IL1RAPL2: variants seen among roughly 807,000 people sequenced by gnomAD.
IL1RAPL2 encodes the protein X-linked interleukin-1 receptor accessory protein-like 2.
IL1RAPL2 carries 3 observed loss-of-function variants against 44.1 expected under a neutral mutation model. That is an observed-to-expected ratio of 0.07 (90% CI 0.03 to 0.18). The LOEUF is 0.18. IL1RAPL2 is among the 10% of genes least tolerant of loss of function. The probability of loss-of-function intolerance (pLI) is 1.00; values close to 1 mark genes in which losing one functional copy is unlikely to be tolerated. For missense variants in IL1RAPL2, 391 were observed against 496.4 expected, an observed-to-expected ratio of 0.79 and a Z score of 2.02; for synonymous variants, 181 against 178.8, an observed-to-expected ratio of 1.01 and a Z score of -0.10.
intron 2 of IL1RAPL2, among the ~76,000 whole-genome samples, chrX:104,846,137 G>A (rs1169834809): frequency 9.0e-6 from 1 of 111,391 alleles, no homozygotes; most frequent in East Asian, 2.8e-4. Context: ...CTGGTACAAA[G>A]TTTAAAAAGG....
At chrX:104,619,358 A>G (rs975812844) in intron 1 of IL1RAPL2, among the ~76,000 whole-genome samples, 1 of 112,050 alleles carries the variant, frequency 8.9e-6, no homozygotes, top group African/African-American at 3.3e-5. Context: ...ACTTACCTCC[A>G]GGTCTTGGGA....
chrX:104,792,682 G>A (rs919077785), intron 2 of IL1RAPL2, among the ~76,000 whole-genome samples: 2 of 111,588 alleles, frequency 1.8e-5, no homozygotes, highest in African/African-American at 6.5e-5. Flanking sequence ...GTGGCTGACA[G>A]TTGTGGAGGT....
chrX:105,541,201 C>T (rs1214211416), intron 6 of IL1RAPL2, among the ~76,000 whole-genome samples: 2 of 109,769 alleles, frequency 1.8e-5, no homozygotes, highest in East Asian at 2.8e-4. Context: ...TGGATTTCTA[C>T]TGAACTTGGA....
intron 2 of IL1RAPL2, among the ~76,000 whole-genome samples, chrX:104,869,318 C>T (rs983700620): frequency 2.7e-5 from 3 of 111,275 alleles, no homozygotes; most frequent in South Asian, 3.7e-4. Flanking sequence ...CTAGTGATAA[C>T]ATATCCATCA....
intron 2 of IL1RAPL2, among the ~76,000 whole-genome samples, chrX:105,104,987 CT>C (rs748765523): frequency 1.8e-5 from 2 of 111,905 alleles, no homozygotes; most frequent in Non-Finnish European, 3.8e-5. Context: ...TGAAAGCCCC[CT>C]GATAACAAGT....
chrX:105,218,913 T>C, intron 3 of IL1RAPL2: 1 of 1,119,414 alleles, frequency 8.9e-7, no homozygotes, highest in East Asian at 3.0e-5. Context: ...CTCTGAAAAT[T>C]AATTCGCCAT....
At chrX:104,634,545 A>G (rs772265509) in intron 1 of IL1RAPL2, among the ~76,000 whole-genome samples, 100 of 111,913 alleles carry the variant, frequency 8.9e-4, no homozygotes, top group Non-Finnish European at 1.7e-3. Context: ...GGGTGCATAT[A>G]TATTTAGGAT....
At chrX:105,727,640 G>C (rs1416242660) in intron 7 of IL1RAPL2, among the ~76,000 whole-genome samples, 1 of 111,218 alleles carries the variant, frequency 9.0e-6, no homozygotes, top group Admixed American at 9.6e-5. Context: ...AAGTAATTTG[G>C]AATCTGCCTG....
At chrX:105,200,966 A>G (rs1406765869) in intron 3 of IL1RAPL2, among the ~76,000 whole-genome samples, 3 of 111,473 alleles carry the variant, frequency 2.7e-5, no homozygotes, top group African/African-American at 9.8e-5. Context: ...AACATCTGTA[A>G]AAACCTAACA....
intron 3 of IL1RAPL2, chrX:105,219,329 A>C: frequency 8.3e-7 from 1 of 1,211,322 alleles, no homozygotes; most frequent in Non-Finnish European, 1.1e-6. Context: ...AGAGGTTCTG[A>C]TGAGGCTCTG....
chrX:104,959,317 T>C (rs1267566953), intron 2 of IL1RAPL2, among the ~76,000 whole-genome samples: 2 of 110,919 alleles, frequency 1.8e-5, no homozygotes, highest in African/African-American at 6.6e-5. Flanking sequence ...ATTTCTAAGC[T>C]GGCTGTTACA....
chrX:104,635,073 A>G (rs1432786491), intron 1 of IL1RAPL2, among the ~76,000 whole-genome samples: 2 of 110,969 alleles, frequency 1.8e-5, no homozygotes, highest in Non-Finnish European at 3.8e-5. Flanking sequence ...GCTTGTCTGT[A>G]AAGGATTTTA....
chrX:105,272,220 CATGTATACATATGTAACTAACCTGCACA>C (rs1392347917), intron 5 of IL1RAPL2, among the ~76,000 whole-genome samples: 2 of 107,500 alleles, frequency 1.9e-5, no homozygotes, highest in African/African-American at 6.8e-5. Flanking sequence ...CAGCATGGCA[CATGTATACATATGTAACTAACCTGCACA>C]ATGTGCACAT....
intron 6 of IL1RAPL2, among the ~76,000 whole-genome samples, chrX:105,639,928 T>C (rs5916741): frequency 0.37 from 40,909 of 110,332 alleles, 5,645 homozygotes; most frequent in Middle Eastern, 0.41. Flanking sequence ...TGTGAGGTCA[T>C]TGGTTTCTCA....
chrX:104,884,007 T>G (rs1923154338), intron 2 of IL1RAPL2, among the ~76,000 whole-genome samples: 1 of 112,050 alleles, frequency 8.9e-6, no homozygotes, highest in African/African-American at 3.2e-5. Context: ...GTCCCAATAC[T>G]AATAGGAGAA....
chrX:105,085,385 A>T (rs1304565528), intron 2 of IL1RAPL2, among the ~76,000 whole-genome samples: 1 of 112,477 alleles, frequency 8.9e-6, no homozygotes, highest in Non-Finnish European at 1.9e-5. Context: ...CATTTCTTAA[A>T]AGAAGACATA....
intron 5 of IL1RAPL2, among the ~76,000 whole-genome samples, chrX:105,423,867 T>TAAAAAAA (rs111770482): frequency 5.8e-4 from 50 of 86,119 alleles, no homozygotes; most frequent in African/African-American, 1.9e-3. Flanking sequence ...TGGAAACAAG[T>TAAAAAAA]AAAAAAAAAA....
rs993134777 is a variant in IL1RAPL2, at chrX:104,860,615, A to C, written c.82+201620A>C. On this transcript the variant is annotated intron_variant, in intron 2 of 10. Coordinates refer to ENST00000372582, the MANE Select transcript of IL1RAPL2 (RefSeq NM_017416.2). ...TTTATTTTGGAATATTTGTATATAC[A>C]TAACCAGTTGAGCATCCCTAATTCA... 2.7e-5 allele frequency among the ~76,000 whole-genome samples: 3 copies of C among 111,065 alleles called. No individual in the cohort carries two copies. In the Admixed American group the frequency reaches 2.9e-4, roughly 11 times the overall value.
chrX:105,542,676 T>A (rs1178358203), intron 6 of IL1RAPL2, among the ~76,000 whole-genome samples: 4 of 102,841 alleles, frequency 3.9e-5, no homozygotes, highest in East Asian at 2.9e-4. Context: ...CTCTTTTTTT[T>A]TTATTTTTTA....
Sources: gnomAD v4.1 joint callset for allele counts (sites outside exome capture counted in the v4.1 genomes callset) on GRCh38, gnomAD v4.1.1 for gene constraint, MANE v1.5 for transcripts, NCBI Gene and HGNC (gene_info 2026-07-23, HGNC 2026-07-21) for gene names.